HBS1L: variants seen among roughly 807,000 people sequenced by gnomAD.
The protein encoded by HBS1L is HBS1-like protein.
HBS1L carries 55 observed loss-of-function variants against 88.9 expected under a neutral mutation model. The observed-to-expected ratio is 0.62, with a 90% confidence interval of 0.50 to 0.77. The LOEUF (loss-of-function observed/expected upper bound fraction) is 0.77, where lower values mean the gene tolerates loss of function less well. Ranked by LOEUF, HBS1L falls within the 30% of genes least tolerant of loss-of-function variation. HBS1L has a pLI of 0.00. For missense variants in HBS1L, 741 were observed against 829.3 expected (o/e 0.89, Z 1.31); for synonymous variants, 267 against 288.5 (o/e 0.93, Z 0.76).
At chr6:135,052,423 T>C (rs1054892676) in intron 1 of HBS1L, among the ~76,000 whole-genome samples, 4 of 151,816 alleles carry the variant, frequency 2.6e-5, no homozygotes, top group South Asian at 2.1e-4. Flanking sequence ...AAATAAAAAA[T>C]TAACCGGGCA....
At chr6:134,993,254 AT>A (rs1775195575) in intron 8 of HBS1L, among the ~76,000 whole-genome samples, 1 of 152,154 alleles carries the variant, frequency 6.6e-6, no homozygotes, top group Non-Finnish European at 1.5e-5. Context: ...TGCAAATTAT[AT>A]TTGATTTTTT....
At chr6:135,009,881 C>T (rs1166836015) in intron 4 of HBS1L, among the ~76,000 whole-genome samples, 3 of 151,870 alleles carry the variant, frequency 2.0e-5, no homozygotes, top group Admixed American at 6.6e-5. Flanking sequence ...CCGCCCGCCT[C>T]GGCCTCCCAA....
In HBS1L at chr6:135,021,714, A is replaced by G. The variant is rs115990083; in HGVS notation, c.430+17859T>C. On this transcript the variant is annotated intron_variant, in intron 4 of 17. Transcript: ENST00000367837. ...AAGTTTGTTGCAAGAAAAGTAATGTACAACAATGAAAAGGGCACTGGAGAT... is the reference window on the plus strand; with the variant it reads ...AAGTTTGTTGCAAGAAAAGTAATGTGCAACAATGAAAAGGGCACTGGAGAT... Among the ~76,000 whole-genome samples the G allele has an allele frequency of 6.7e-3, 1,014 of 152,328 alleles. 10 individuals are homozygous for G. The highest frequency in any genetic ancestry group is 0.02 in the African/African-American group (842 of 41,576).
At chr6:135,004,788 C>T (rs1775563809) in intron 4 of HBS1L, among the ~76,000 whole-genome samples, 1 of 152,132 alleles carries the variant, frequency 6.6e-6, no homozygotes, top group Non-Finnish European at 1.5e-5. Context: ...ATCAAATAGG[C>T]AGTTGAACAT....
intron 2 of HBS1L, among the ~76,000 whole-genome samples, chr6:135,045,148 G>A (rs576477026): frequency 6.6e-6 from 1 of 152,074 alleles, no homozygotes; most frequent in African/African-American, 2.4e-5. Flanking sequence ...ACTTTCAAAG[G>A]GTGGGTGGGT....
intron 5 of HBS1L, among the ~76,000 whole-genome samples, chr6:135,001,129 T>C (rs1328420575): frequency 1.3e-5 from 2 of 152,196 alleles, no homozygotes; most frequent in African/African-American, 4.8e-5. Context: ...CAAGTTTATT[T>C]TTAAAATAAT....
At chr6:134,969,646 A>C (rs1326973731) in intron 15 of HBS1L, among the ~76,000 whole-genome samples, 2 of 152,200 alleles carry the variant, frequency 1.3e-5, no homozygotes, top group Non-Finnish European at 2.9e-5. Context: ...TGTTGTTCTA[A>C]AGATTAAGTA....
At chr6:135,023,473 TATGATA>T (rs1173641300) in intron 4 of HBS1L, among the ~76,000 whole-genome samples, 2 of 151,818 alleles carry the variant, frequency 1.3e-5, no homozygotes, top group Non-Finnish European at 2.9e-5. Context: ...GAACCAAAAG[TATGATA>T]ATCATCACCT....
In HBS1L at chr6:135,000,034, T is replaced by G. The variant is rs537097534; in HGVS notation, c.540-2378A>C. On this transcript the variant is annotated intron_variant, in intron 5 of 17. Coordinates refer to ENST00000367837, the MANE Select transcript of HBS1L (RefSeq NM_006620.4). ...TTTCAGGTGCTTTCTGGTATCATTTTGTAAGCTTTTTTTCTTTCTTTCTTT... is the reference window on the plus strand; with the variant it reads ...TTTCAGGTGCTTTCTGGTATCATTTGGTAAGCTTTTTTTCTTTCTTTCTTT... Among the ~76,000 whole-genome samples, 151 of 152,104 alleles carry G rather than the reference T, an allele frequency of 9.9e-4. No homozygotes were observed. In the Middle Eastern group the frequency reaches 0.01, roughly 10 times the overall value.
intron 4 of HBS1L, chr6:135,035,750 C>CAAAAAAAAAAAAAAAAA (rs34517904): frequency 1.4e-5 from 1 of 71,084 alleles, no homozygotes; most frequent in African/African-American, 7.3e-5. Context: ...GACTCTGTCT[C>CAAAAAAAAAAAAAAAAA]AAAAAAAAAA....
rs559183258 is a variant in HBS1L at position 134,964,097 on chromosome 6, A to G, written c.*1182T>C. On this transcript the variant is annotated 3_prime_UTR_variant, in exon 18 of 18. Transcript: ENST00000367837. ...CTTTACCATACAGATGTTATTGCTTATGTTCAAAATGTCAGGTTCACGAAA... is the reference window on the plus strand; with the variant it reads ...CTTTACCATACAGATGTTATTGCTTGTGTTCAAAATGTCAGGTTCACGAAA... 3 of 152,182 alleles carry G rather than the reference A, an allele frequency of 2.0e-5. No individual in the cohort carries two copies. Among genetic ancestry groups the G allele is most frequent in the African/African-American group, 7.2e-5 (3 of 41,438 alleles). The allele number at this position is 152,182 out of a possible 1,614,324, so 9.4% of individuals were successfully genotyped here.
chr6:135,047,822 C>T (rs982817951), intron 2 of HBS1L, among the ~76,000 whole-genome samples: 2 of 152,214 alleles, frequency 1.3e-5, no homozygotes, highest in African/African-American at 4.8e-5. Flanking sequence ...GAGGATAGCA[C>T]TACCAGACAT....
intron 2 of HBS1L, among the ~76,000 whole-genome samples, chr6:135,043,704 A>G (rs1441176132): frequency 6.6e-6 from 1 of 152,228 alleles, no homozygotes; most frequent in Non-Finnish European, 1.5e-5. Flanking sequence ...TAAAGGAGGT[A>G]GGAATATAGG....
chr6:135,028,712 C>T (rs931408569), intron 4 of HBS1L, among the ~76,000 whole-genome samples: 1 of 152,090 alleles, frequency 6.6e-6, no homozygotes, highest in Non-Finnish European at 1.5e-5. Context: ...GGAGACGGTT[C>T]TTCATCATAA....
At chr6:135,010,760 C>G (rs1254296076) in intron 4 of HBS1L, among the ~76,000 whole-genome samples, 1 of 151,968 alleles carries the variant, frequency 6.6e-6, no homozygotes, top group Non-Finnish European at 1.5e-5. Context: ...TGAAGTTCAT[C>G]TGGAAGAGTA....
chr6:135,001,389 G>C (rs1775450565), intron 5 of HBS1L, among the ~76,000 whole-genome samples: 1 of 151,446 alleles, frequency 6.6e-6, no homozygotes. Flanking sequence ...CATTAATTTG[G>C]GTTCATTTGC....
intron 4 of HBS1L, among the ~76,000 whole-genome samples, chr6:135,009,036 C>T (rs1775691020): frequency 6.6e-6 from 1 of 152,170 alleles, no homozygotes; most frequent in Admixed American, 6.5e-5. Flanking sequence ...CCAGCTACCT[C>T]CCAAAGTTGA....
At chr6:135,026,599 G>A (rs141531376) in intron 4 of HBS1L, among the ~76,000 whole-genome samples, 264 of 152,046 alleles carry the variant, frequency 1.7e-3, no homozygotes, top group Middle Eastern at 6.8e-3. Flanking sequence ...ACAAGTACAG[G>A]AGATACAACT....
intron 4 of HBS1L, chr6:135,037,084 A>G (rs1358244395): frequency 1.9e-6 from 3 of 1,551,522 alleles, no homozygotes; most frequent in South Asian, 1.2e-5. Context: ...TGTTTCTGCA[A>G]TCAATTCAGA....
Sources: allele counts gnomAD v4.1 joint callset (sites outside exome capture counted in the v4.1 genomes callset), GRCh38; gene constraint gnomAD v4.1.1; transcripts MANE v1.5; gene names NCBI Gene and HGNC (gene_info 2026-07-23, HGNC 2026-07-21).